The following PHACTR2 variants were observed in gnomAD, a reference collection of about 807,000 sequenced individuals.
PHACTR2 encodes phosphatase and actin regulator 2, also known as chromosome 6 open reading frame 56.
PHACTR2 carries 30 observed loss-of-function variants against 76.0 expected under a neutral mutation model. The ratio of observed to expected loss-of-function variants is 0.39; its 90% CI spans 0.30 to 0.54. PHACTR2 has a LOEUF of 0.54. Among genes scored for constraint, PHACTR2 ranks in the 20% least tolerant of loss-of-function variants. The probability of loss-of-function intolerance (pLI) is 0.61; values close to 1 mark genes in which losing one functional copy is unlikely to be tolerated. For synonymous variants in PHACTR2, 292 were observed against 292.5 expected, an observed-to-expected ratio of 1.00 and a Z score of 0.02; for missense variants, 696 against 781.1, an observed-to-expected ratio of 0.89 and a Z score of 1.30.
Position 143,755,280 on chromosome 6 carries a change from A to C in PHACTR2, c.454+1368A>C. On this transcript the variant is annotated intron_variant, in intron 4 of 12. Coordinates refer to ENST00000440869, the MANE Select transcript of PHACTR2 (RefSeq NM_001100164.2). The surrounding 1 kb of genome is among the most constrained non-coding windows in gnomAD (Gnocchi z 5.2). ...ACGCAAGTAGTGATGTTTTTTGTTT[A>C]AGTCTTTCTGTCCTGTCTCGCCAGA... The C allele has an allele frequency of 2.2e-6, 1 of 455,998 alleles. No individual in the cohort carries two copies. The highest frequency in any genetic ancestry group is 4.4e-6 in the Non-Finnish European group (1 of 226,774). The allele number at this position is 455,998 out of a possible 1,614,324, so 28.2% of individuals were successfully genotyped here. A position where few individuals can be genotyped will look rare whatever the true frequency, so the allele number is the denominator to read the frequency against.
In PHACTR2 at chr6:143,694,274, GAAAT is replaced by G. The variant is rs529770233; in HGVS notation, c.46+16073_46+16076del. Among the ~76,000 whole-genome samples, 31 of 152,102 alleles carry G rather than the reference GAAAT, an allele frequency of 2.0e-4. No homozygotes were observed. In the East Asian group the frequency reaches 2.1e-3, roughly 10 times the overall value. On this transcript the variant is annotated intron_variant, in intron 1 of 12. Transcript: ENST00000440869. ...GAAAGGAAAGGAAGGAAGAAAAAAG[GAAAT>G]AAATAAAGAAAGAAATGGAATATGT...
Position 143,592,936 on chromosome 6 carries a change from G to A in PHACTR2, c.217+55729G>A, listed in dbSNP as rs181671245. ...GGTGACACACATCCCAGCTACTTGT[G>A]AGGGTGAGGTGGGAGGATCGCTTGA... On this transcript the variant is annotated intron_variant, in intron 1 of 11. Coordinates refer to the PHACTR2 transcript ENST00000367584. This position sits in a 1 kb window ranked among gnomAD's most constrained non-coding sequence, Gnocchi z 4.0. Among the ~76,000 whole-genome samples the A allele has an allele frequency of 6.6e-6, 1 of 151,392 alleles. No homozygotes were observed. Among genetic ancestry groups the A allele is most frequent in the East Asian group, 2.0e-4 (1 of 5,126 alleles).
intron 12 of PHACTR2, among the ~76,000 whole-genome samples, chr6:143,810,271 C>T (rs890557601): frequency 6.6e-6 from 1 of 152,088 alleles, no homozygotes; most frequent in African/African-American, 2.4e-5. Flanking sequence ...CCTTGACTTT[C>T]TTTATGCATA....
rs1158481456 is a variant in PHACTR2 at position 143,546,756 on chromosome 6, TGGC to T, written c.217+9550_217+9552del. ...AGAATGTGATTTAGCCTGGGCGCAG[TGGC>T]TTACACATGTAATCCCAACATTTTG... On this transcript the variant is annotated intron_variant, in intron 1 of 11. Coordinates refer to the PHACTR2 transcript ENST00000367584. The surrounding 1 kb of genome is among the most constrained non-coding windows in gnomAD (Gnocchi z 4.9). Among the ~76,000 whole-genome samples the T allele has an allele frequency of 2.6e-5, 4 of 152,066 alleles. No homozygotes were observed. Among genetic ancestry groups the T allele is most frequent in the African/African-American group, 9.6e-5 (4 of 41,476 alleles).
intron 1 of PHACTR2, among the ~76,000 whole-genome samples, chr6:143,628,977 A>G (rs1237777566): frequency 8.4e-6 from 1 of 119,026 alleles, no homozygotes; most frequent in Non-Finnish European, 1.7e-5. Context: ...ATATATATAT[A>G]TACTGCAAAT....
intron 12 of PHACTR2, among the ~76,000 whole-genome samples, chr6:143,817,245 G>A (rs963576109): frequency 2.0e-5 from 3 of 152,174 alleles, no homozygotes; most frequent in Non-Finnish European, 2.9e-5. Flanking sequence ...TGAAGATTAG[G>A]ACACTGTGGA....
In PHACTR2 at chr6:143,827,872, G is replaced by A. The variant is rs1061690; in HGVS notation, c.*4183G>A. Reference sequence around the variant, plus strand: ...ATATGTCCTATATTGGCTGGGTGCGGTGGCTTACACCTGTAATACCAGCAC... The same window carrying A: ...ATATGTCCTATATTGGCTGGGTGCGATGGCTTACACCTGTAATACCAGCAC... On this transcript the variant is annotated 3_prime_UTR_variant, in exon 13 of 13. Coordinates refer to ENST00000440869, the MANE Select transcript of PHACTR2 (RefSeq NM_001100164.2). 0.054 allele frequency: 8,289 copies of A among 152,206 alleles called. 248 individuals carry two copies. The highest frequency in any genetic ancestry group is 0.13 in the South Asian group (603 of 4,822). 9.4% of individuals were successfully genotyped at this position (152,206 alleles called of 1,614,324 possible). A position where few individuals can be genotyped will look rare whatever the true frequency, so the allele number is the denominator to read the frequency against.
chr6:143,807,185 A>C lies in PHACTR2; in HGVS notation c.1922+52A>C, dbSNP rs767781354. 2.9e-6 allele frequency: 3 copies of C among 1,035,932 alleles called. No homozygotes were observed. In the Middle Eastern group the frequency reaches 6.3e-4, roughly 218 times the overall value. The allele number at this position is 1,035,932 out of a possible 1,614,324, so 64.2% of individuals were successfully genotyped here. On this transcript the variant is annotated intron_variant, in intron 12 of 12. Transcript: ENST00000440869. This position sits in a 1 kb window ranked among gnomAD's most constrained non-coding sequence, Gnocchi z 5.5. ...TTGAAAATGCTTAAGATGTGATCCC[A>C]TGTTGAGTTGGTTAAAAAAAGAAAT...
In PHACTR2 at chr6:143,625,555, C is replaced by T. The variant is rs755546751; in HGVS notation, c.13+17233C>T. On this transcript the variant is annotated intron_variant, in intron 1 of 11. Coordinates refer to the PHACTR2 transcript ENST00000305766. The surrounding 1 kb of genome is among the most constrained non-coding windows in gnomAD (Gnocchi z 4.3). ...ATATTGATTTCCATTTCCCCTTGTG[C>T]GGTGTGTCTCCAATAGATGTAATAT... 7.9e-5 allele frequency among the ~76,000 whole-genome samples: 12 copies of T among 152,238 alleles called. No homozygotes were observed. Among genetic ancestry groups the T allele is most frequent in the East Asian group, 1.9e-4 (1 of 5,180 alleles).
At chr6:143,634,224 C>T (rs1161933208) in intron 1 of PHACTR2, among the ~76,000 whole-genome samples, 6 of 152,148 alleles carry the variant, frequency 3.9e-5, no homozygotes, top group African/African-American at 1.4e-4. Context: ...GAATTGCAAC[C>T]TCTTTGGGAG....
chr6:143,822,007 C>A lies in PHACTR2; in HGVS notation c.1923-1667C>A, dbSNP rs897339647. On this transcript the variant is annotated intron_variant, in intron 12 of 12. Transcript: ENST00000440869. This position sits in a 1 kb window ranked among gnomAD's most constrained non-coding sequence, Gnocchi z 5.5. ...CCCTGTCCCCCTCTGGAGCTCCCCC[C>A]AACCCACCCTGCAAAAAGTAGGTAG... 1.8e-4 allele frequency among the ~76,000 whole-genome samples: 28 copies of A among 152,004 alleles called. No individual in the cohort carries two copies. Among genetic ancestry groups the A allele is most frequent in the African/African-American group, 6.8e-4 (28 of 41,412 alleles).
At position 143,705,285 on chromosome 6, in the gene PHACTR2, A is replaced by G. The variant is rs548343467; in HGVS notation, c.47-6731A>G. On this transcript the variant is annotated intron_variant, in intron 1 of 12. Coordinates refer to ENST00000440869, the MANE Select transcript of PHACTR2 (RefSeq NM_001100164.2). ...AAGCGCCTGCTACAAAGTCTGGCTA[A>G]TTTTTGCATTTTTTTTTTTTTTTTT... Among the ~76,000 whole-genome samples, 47 of 136,984 alleles carry G rather than the reference A, an allele frequency of 3.4e-4. 1 individual carries two copies. The East Asian group carries it at 9.7e-3, about 28-fold the overall frequency. 89.9% of individuals were successfully genotyped at this position (136,984 alleles called of 152,430 possible).
At position 143,611,161 on chromosome 6, in the gene PHACTR2, A is replaced by AG. The variant is rs1775968433; in HGVS notation, c.13+2839_13+2840insG. Among the ~76,000 whole-genome samples the AG allele has an allele frequency of 6.6e-6, 1 of 152,082 alleles. No homozygotes were observed. The highest frequency in any genetic ancestry group is 6.5e-5 in the Admixed American group (1 of 15,276). On this transcript the variant is annotated intron_variant, in intron 1 of 11. Coordinates refer to the PHACTR2 transcript ENST00000305766. The surrounding 1 kb of genome is among the most constrained non-coding windows in gnomAD (Gnocchi z 4.4). ...TCTACAGTGCAGAGTACTGTTAAAA[A>AG]AAAAAAGTTCTGCAGAATTTATTGT...
At chr6:143,714,013 C>T (rs1180983586) in intron 2 of PHACTR2, among the ~76,000 whole-genome samples, 3 of 152,110 alleles carry the variant, frequency 2.0e-5, no homozygotes, top group Non-Finnish European at 2.9e-5. Flanking sequence ...TCAGTTGGTG[C>T]AAAAGTAGTT....
chr6:143,669,178 G>A (rs1307541855), intron 1 of PHACTR2, among the ~76,000 whole-genome samples: 14 of 152,082 alleles, frequency 9.2e-5, no homozygotes, highest in Admixed American at 6.6e-5. Flanking sequence ...GTAGTTGTGC[G>A]GTTTTGAGTA....
intron 1 of PHACTR2, among the ~76,000 whole-genome samples, chr6:143,555,501 T>C (rs1775160814): frequency 6.6e-6 from 1 of 152,214 alleles, no homozygotes; most frequent in Non-Finnish European, 1.5e-5. Context: ...AACCATCTGT[T>C]GAAAAGTTCT....
intron 1 of PHACTR2, among the ~76,000 whole-genome samples, chr6:143,707,708 T>A (rs182726849): frequency 5.4e-4 from 83 of 152,332 alleles, no homozygotes; most frequent in African/African-American, 2.0e-3. Context: ...AAACCTACAA[T>A]TTATTTCATA....
At chr6:143,771,128 T>G (rs1351832018) in intron 6 of PHACTR2, among the ~76,000 whole-genome samples, 1 of 114,390 alleles carries the variant, frequency 8.7e-6, no homozygotes, top group Non-Finnish European at 1.8e-5. Context: ...TATATGTACT[T>G]TACATATATA....
At chr6:143,773,448 C>A (rs1489252043) in intron 7 of PHACTR2, among the ~76,000 whole-genome samples, 1 of 148,966 alleles carries the variant, frequency 6.7e-6, no homozygotes, top group Non-Finnish European at 1.5e-5. Context: ...TCACTGTGGA[C>A]TGAATTTGTA....
Sources: allele counts gnomAD v4.1 joint callset (sites outside exome capture counted in the v4.1 genomes callset), GRCh38; gene constraint gnomAD v4.1.1; non-coding constraint Gnocchi (gnomAD v3.1); transcripts MANE v1.5; gene names NCBI Gene and HGNC (gene_info 2026-07-23, HGNC 2026-07-21).